The following BMPR1B variants were observed in gnomAD, a reference collection of about 807,000 sequenced individuals.
BMPR1B encodes the protein bone morphogenetic protein receptor type 1B, also known as bone morphogenetic protein receptor type-1B.
BMPR1B carries 12 observed loss-of-function variants against 59.1 expected under a neutral mutation model. The ratio of observed to expected loss-of-function variants is 0.20; its 90% CI spans 0.13 to 0.33. The LOEUF is 0.33. Among genes scored for constraint, BMPR1B ranks in the 10% least tolerant of loss-of-function variants. BMPR1B has a pLI of 1.00. For missense variants in BMPR1B, 550 were observed against 610.9 expected, an observed-to-expected ratio of 0.90 and a Z score of 1.05; for synonymous variants, 237 against 207.3, an observed-to-expected ratio of 1.14 and a Z score of -1.23.
intron 2 of BMPR1B, among the ~76,000 whole-genome samples, chr4:94,910,749 A>C (rs570886997): frequency 2.2e-4 from 34 of 152,168 alleles, no homozygotes; most frequent in Non-Finnish European, 4.3e-4. Flanking sequence ...TCTCTAAAAA[A>C]ATAAAAATAA....
chr4:95,152,547 C>G (rs1735119121), intron 11 of BMPR1B, 96 bp from the exon 12 acceptor site: 1 of 1,139,850 alleles, frequency 8.8e-7, no homozygotes, highest in African/African-American at 1.6e-5. Flanking sequence ...GTCTGTAATA[C>G]TGATAGCACT....
intron 1 of BMPR1B, among the ~76,000 whole-genome samples, chr4:94,824,808 TAAA>T (rs1724327390): frequency 6.6e-6 from 1 of 152,154 alleles, no homozygotes; most frequent in African/African-American, 2.4e-5. Flanking sequence ...TTTTATAAAA[TAAA>T]AATGTAATGA....
chr4:95,056,653 A>G (rs1225904971), intron 3 of BMPR1B, among the ~76,000 whole-genome samples: 1 of 152,104 alleles, frequency 6.6e-6, no homozygotes, highest in African/African-American at 2.4e-5. Context: ...AAATTCTTTA[A>G]TGGACGCTCC....
At chr4:94,921,982 T>C (rs1728706780) in intron 2 of BMPR1B, among the ~76,000 whole-genome samples, 1 of 152,214 alleles carries the variant, frequency 6.6e-6, no homozygotes, top group Admixed American at 6.5e-5. Flanking sequence ...TTCTTTCCTT[T>C]TTTGTTGGCT....
chr4:95,116,380 G>T (rs1158089673), intron 6 of BMPR1B, among the ~76,000 whole-genome samples: 2 of 137,950 alleles, frequency 1.4e-5, no homozygotes, highest in East Asian at 4.2e-4. Context: ...TTTGCAACAG[G>T]TCTCATGTTC....
In BMPR1B at chr4:94,976,063, G is replaced by A. The variant is rs192189674; in HGVS notation, c.-112-19977G>A. The stretch of plus-strand genomic sequence containing the variant: ...CTCCTGCATTTTGCAGTCAGGCAGC[G>A]ACTAGAGTTGGAATAGCAAGTGGCT... On this transcript the variant is annotated intron_variant, in intron 2 of 12. Coordinates refer to ENST00000515059, the MANE Select transcript of BMPR1B (RefSeq NM_001203.3). Among the ~76,000 whole-genome samples the A allele has an allele frequency of 1.9e-3, 287 of 152,304 alleles. 2 individuals are homozygous for A. Among genetic ancestry groups the A allele is most frequent in the Non-Finnish European group, 3.0e-3 (201 of 68,018 alleles).
At chr4:95,133,472 G>A (rs1733531154) in intron 10 of BMPR1B, among the ~76,000 whole-genome samples, 1 of 152,108 alleles carries the variant, frequency 6.6e-6, no homozygotes, top group Non-Finnish European at 1.5e-5. Flanking sequence ...ATACCATCAA[G>A]TGTTTATAAC....
At chr4:95,050,999 TAGTC>T (rs1390387929) in intron 3 of BMPR1B, among the ~76,000 whole-genome samples, 19 of 152,254 alleles carry the variant, frequency 1.2e-4, no homozygotes, top group South Asian at 8.3e-4. Flanking sequence ...ATTTATATAA[TAGTC>T]AGTTAGGTTA....
chr4:95,116,421 G>GCGCGCACACACACA, intron 6 of BMPR1B, among the ~76,000 whole-genome samples: 33 of 123,234 alleles, frequency 2.7e-4, no homozygotes, highest in African/African-American at 9.7e-4. Flanking sequence ...TTCAGCGCGC[G>GCGCGCACACACACA]CACACACACA....
At chr4:94,878,555 T>A (rs1463356244) in intron 2 of BMPR1B, among the ~76,000 whole-genome samples, 1 of 152,158 alleles carries the variant, frequency 6.6e-6, no homozygotes. Context: ...GCTGTGCGTC[T>A]CCTAATTTTT....
chr4:94,975,166 T>C (rs1730972409), intron 2 of BMPR1B, among the ~76,000 whole-genome samples: 1 of 152,078 alleles, frequency 6.6e-6, no homozygotes, highest in African/African-American at 2.4e-5. Flanking sequence ...GAGGGGCATG[T>C]GTCCTCAGCC....
At chr4:94,812,184 A>G (rs985142504) in intron 1 of BMPR1B, among the ~76,000 whole-genome samples, 3 of 146,530 alleles carry the variant, frequency 2.0e-5, no homozygotes, top group South Asian at 4.2e-4. Context: ...TAGTCCTCCA[A>G]AATTTAAAGT....
At chr4:95,085,989 C>CTG (rs3068102) in intron 3 of BMPR1B, among the ~76,000 whole-genome samples, 6,453 of 149,736 alleles carry the variant, frequency 0.043, 182 homozygotes, top group African/African-American at 0.079. Context: ...GTGTGTGTAC[C>CTG]TGTGTGTGTG....
At chr4:95,038,058 G>A (rs1725390404) in intron 3 of BMPR1B, among the ~76,000 whole-genome samples, 1 of 152,158 alleles carries the variant, frequency 6.6e-6, no homozygotes, top group African/African-American at 2.4e-5. Flanking sequence ...GAATGGGGTG[G>A]TTGTAGTAGT....
chr4:95,081,668 G>A (rs898846953), intron 3 of BMPR1B, among the ~76,000 whole-genome samples: 11 of 152,100 alleles, frequency 7.2e-5, no homozygotes, highest in Non-Finnish European at 1.0e-4. Context: ...AAATTTCATT[G>A]ATAGGGTTTT....
chr4:95,024,796 T>C (rs1724237932), intron 3 of BMPR1B, among the ~76,000 whole-genome samples: 1 of 152,114 alleles, frequency 6.6e-6, no homozygotes, highest in African/African-American at 2.4e-5. Flanking sequence ...GTCATGGAAC[T>C]GAAACCCAAA....
intron 1 of BMPR1B, among the ~76,000 whole-genome samples, chr4:94,860,819 T>TC (rs1262311924): frequency 1.5e-5 from 2 of 133,030 alleles, no homozygotes; most frequent in African/African-American, 7.7e-5. Context: ...CTTTTATATG[T>TC]CTTTTATATG....
chr4:95,154,409 C>T, intron 12 of BMPR1B, 139 bp from the exon 13 acceptor site: 1 of 1,202,360 alleles, frequency 8.3e-7, no homozygotes, highest in South Asian at 1.4e-5. Context: ...AAAAAGCTTA[C>T]AGAATTTTAC....
chr4:95,075,851 T>G (rs1728666616), intron 3 of BMPR1B, among the ~76,000 whole-genome samples: 1 of 152,178 alleles, frequency 6.6e-6, no homozygotes, highest in Non-Finnish European at 1.5e-5. Context: ...TGTCCATAGC[T>G]TTCTTTCCCC....
Sources: allele counts gnomAD v4.1 joint callset (sites outside exome capture counted in the v4.1 genomes callset), GRCh38; gene constraint gnomAD v4.1.1; transcripts MANE v1.5; gene names NCBI Gene and HGNC (gene_info 2026-07-23, HGNC 2026-07-21).